The following TEAD4 variants were observed in gnomAD, a reference collection of about 807,000 sequenced individuals.
The protein encoded by TEAD4 is transcriptional enhancer factor TEF-3.
TEAD4 carries 36 observed loss-of-function variants against 52.4 expected under a neutral mutation model. That is an observed-to-expected ratio of 0.69 (90% CI 0.53 to 0.91). The LOEUF (loss-of-function observed/expected upper bound fraction) is 0.91, where lower values mean the gene tolerates loss of function less well. Among genes scored for constraint, TEAD4 ranks in the 40% least tolerant of loss-of-function variants. TEAD4 has a pLI of 0.00. For missense variants in TEAD4, 508 were observed against 583.9 expected (o/e 0.87, Z 1.34); for synonymous variants, 220 against 231.0 (o/e 0.95, Z 0.43).
chr12:3,031,116 G>A (rs937870710), intron 10 of TEAD4, among the ~76,000 whole-genome samples: 8 of 152,140 alleles, frequency 5.3e-5, no homozygotes, highest in African/African-American at 1.7e-4. Context: ...CCAGTCTCCC[G>A]TCCAGCCCCG....
intron 2 of TEAD4, among the ~76,000 whole-genome samples, chr12:2,992,011 T>C (rs1412020899): frequency 2.5e-5 from 3 of 120,026 alleles, no homozygotes; most frequent in Non-Finnish European, 3.3e-5. Context: ...GGGGGGCGGT[T>C]CCTGCTTTTT....
At chr12:2,999,059 C>G (rs540299585) in intron 3 of TEAD4, among the ~76,000 whole-genome samples, 302 of 152,298 alleles carry the variant, frequency 2.0e-3, no homozygotes, top group Non-Finnish European at 2.9e-3. Context: ...CTGACCAGCC[C>G]GGCTGGGAGC....
At chr12:2,986,703 T>C (rs2098238840) in intron 2 of TEAD4, among the ~76,000 whole-genome samples, 1 of 151,584 alleles carries the variant, frequency 6.6e-6, no homozygotes, top group East Asian at 1.9e-4. Flanking sequence ...AAAAGTATAG[T>C]ATAGTAAATA....
At chr12:2,985,812 G>A (rs1313918774) in intron 2 of TEAD4, among the ~76,000 whole-genome samples, 3 of 152,060 alleles carry the variant, frequency 2.0e-5, no homozygotes, top group South Asian at 2.1e-4. Flanking sequence ...CCAGCCGGGC[G>A]TGGTGGCTCA....
intron 10 of TEAD4, among the ~76,000 whole-genome samples, chr12:3,028,534 G>T (rs1046212287): frequency 6.6e-6 from 1 of 152,182 alleles, no homozygotes; most frequent in Non-Finnish European, 1.5e-5. Context: ...GTTTTTATCT[G>T]CATTTCCCTG....
chr12:3,019,284 T>C, intron 8 of TEAD4, 114 bp downstream of exon 8: 2 of 1,207,694 alleles, frequency 1.7e-6, no homozygotes, highest in Non-Finnish European at 2.4e-6. Context: ...TGCCCCGTCA[T>C]GCACACTGAC....
chr12:3,019,481 C>T (rs931350554), intron 8 of TEAD4, among the ~76,000 whole-genome samples: 8 of 152,220 alleles, frequency 5.3e-5, no homozygotes, highest in African/African-American at 1.4e-4. Context: ...CCCACTTGGC[C>T]GGCCTTGTTA....
chr12:2,967,320 T>C (rs1279646498), intron 2 of TEAD4, among the ~76,000 whole-genome samples: 1 of 152,222 alleles, frequency 6.6e-6, no homozygotes, highest in Non-Finnish European at 1.5e-5. Flanking sequence ...TTTTTTTCCC[T>C]ACTGAATGCT....
At chr12:3,033,672 A>G (rs2098277373) in intron 10 of TEAD4, among the ~76,000 whole-genome samples, 1 of 152,164 alleles carries the variant, frequency 6.6e-6, no homozygotes, top group Non-Finnish European at 1.5e-5. Flanking sequence ...CTCATCTGTC[A>G]GTCACCCGAT....
intron 2 of TEAD4, among the ~76,000 whole-genome samples, chr12:2,970,549 AG>A (rs1342100517): frequency 2.6e-5 from 4 of 152,244 alleles, no homozygotes; most frequent in Non-Finnish European, 5.9e-5. Context: ...TGTAAGAGGT[AG>A]GGGGTCGATG....
chr12:2,985,673 T>C (rs1380276943), intron 2 of TEAD4, among the ~76,000 whole-genome samples: 4 of 151,506 alleles, frequency 2.6e-5, no homozygotes, highest in East Asian at 2.1e-4. Flanking sequence ...GCCTGGCTAA[T>C]TTTTGTATTT....
intron 3 of TEAD4, among the ~76,000 whole-genome samples, chr12:3,004,169 T>C (rs1288740058): frequency 6.6e-6 from 1 of 152,204 alleles, no homozygotes; most frequent in East Asian, 1.9e-4. Flanking sequence ...CTCCGGGACC[T>C]TACCTCATGC....
At chr12:3,031,199 A>C (rs1333131090) in intron 10 of TEAD4, among the ~76,000 whole-genome samples, 1 of 152,176 alleles carries the variant, frequency 6.6e-6, no homozygotes, top group Non-Finnish European at 1.5e-5. Flanking sequence ...GGGGGCCCCC[A>C]GCCCCCTGGA....
chr12:3,002,469 A>G (rs1350789347), intron 3 of TEAD4, among the ~76,000 whole-genome samples: 3 of 152,256 alleles, frequency 2.0e-5, no homozygotes, highest in African/African-American at 7.2e-5. Flanking sequence ...CATTCCCGCC[A>G]GCAATGAACA....
Position 2,987,946 on chromosome 12 carries a change from T to A in TEAD4, c.-29-6792T>A, listed in dbSNP as rs1341378965. ...CAGGCGTGATGGTGGCACATGCCTGTAATCCCAGCTACTTGGGAGGCTGAG... is the reference window on the plus strand; with the variant it reads ...CAGGCGTGATGGTGGCACATGCCTGAAATCCCAGCTACTTGGGAGGCTGAG... On this transcript the variant is annotated intron_variant, in intron 2 of 12. Transcript: ENST00000359864. 2.6e-5 allele frequency among the ~76,000 whole-genome samples: 4 copies of A among 151,416 alleles called. No individual in the cohort carries two copies. The East Asian group carries it at 8.0e-4, about 30-fold the overall frequency.
intron 10 of TEAD4, among the ~76,000 whole-genome samples, chr12:3,030,561 T>G (rs2098274867): frequency 6.6e-6 from 1 of 152,230 alleles, no homozygotes; most frequent in Non-Finnish European, 1.5e-5. Flanking sequence ...GCTTTGAGTC[T>G]CCAAAGCTTG....
chr12:3,025,686 G>A (rs964943246), intron 10 of TEAD4, among the ~76,000 whole-genome samples: 3 of 152,034 alleles, frequency 2.0e-5, no homozygotes, highest in Non-Finnish European at 4.4e-5. Context: ...ACAGTCGTGT[G>A]CCACCAGGCC....
intron 10 of TEAD4, among the ~76,000 whole-genome samples, chr12:3,023,751 C>T (rs1304543682): frequency 6.7e-6 from 1 of 149,154 alleles, no homozygotes; most frequent in Non-Finnish European, 1.5e-5. Context: ...GAGATGGCGG[C>T]CACTGCATTC....
At chr12:2,985,473 T>G (rs1397429100) in intron 2 of TEAD4, among the ~76,000 whole-genome samples, 1 of 151,540 alleles carries the variant, frequency 6.6e-6, no homozygotes, top group Non-Finnish European at 1.5e-5. Flanking sequence ...ATATCTTTAT[T>G]CTATAAGCCT....
Sources: allele counts gnomAD v4.1 joint callset (sites outside exome capture counted in the v4.1 genomes callset), GRCh38; gene constraint gnomAD v4.1.1; transcripts MANE v1.5; gene names NCBI Gene and HGNC (gene_info 2026-07-23, HGNC 2026-07-21).